LILRA2: variants seen among roughly 807,000 people sequenced by gnomAD.
The protein encoded by LILRA2 is leukocyte immunoglobulin-like receptor subfamily A member 2.
In LILRA2, 45 loss-of-function variants were observed where a neutral mutation model predicts 47.9. The ratio of observed to expected loss-of-function variants is 0.94; its 90% confidence interval spans 0.74 to 1.20. The LOEUF is 1.20. Ranked by LOEUF, LILRA2 falls within the 50% of genes most tolerant of loss-of-function variation. The pLI is 0.00. For synonymous variants in LILRA2, 279 were observed against 249.2 expected, an observed-to-expected ratio of 1.12 and a Z score of -1.13; for missense variants, 651 against 598.2, an observed-to-expected ratio of 1.09 and a Z score of -0.92.
chr19:54,575,560 G>T lies in LILRA2; in HGVS notation c.952+8G>T, dbSNP rs746247354. The T allele has an allele frequency of 9.3e-6, 15 of 1,611,400 alleles. No homozygotes were observed. Among genetic ancestry groups the T allele is most frequent in the Admixed American group, 3.3e-5 (2 of 59,980 alleles). On this transcript the variant is annotated splice_region_variant and intron_variant, in intron 5 of 7. Transcript: ENST00000391738. The stretch of plus-strand genomic sequence containing the variant: ...TGGACATCCTGATCACAGGTGAGGA[G>T]CCCAGCGGGTTCAGTCAGGGACCCA...
At chr19:54,574,248 G>A (rs2062274338) in intron 2 of LILRA2, 53 bp from the exon 3 acceptor site, 3 of 1,613,808 alleles carry the variant, frequency 1.9e-6, no homozygotes, top group Admixed American at 1.7e-5. Context: ...GCTGAGAGCT[G>A]AGATCTGTTG....
rs114217110 is a variant in LILRA2 at position 54,590,248 on chromosome 19, C to G, written c.*2902C>G. On this transcript the variant is annotated 3_prime_UTR_variant, in exon 8 of 8. Coordinates refer to ENST00000391738, the MANE Select transcript of LILRA2 (RefSeq NM_001130917.3). ...TATTTTTTTCATTTCTAGTTTTTCT[C>G]CGATGACTAATGAAAAATTTAATAA... is the stretch of plus-strand genomic sequence containing the variant. 4.3e-3 allele frequency: 648 copies of G among 152,168 alleles called. 11 individuals carry two copies. Among genetic ancestry groups the G allele is most frequent in the African/African-American group, 0.014 (582 of 41,500 alleles). 9.4% of individuals were successfully genotyped at this position (152,168 alleles called of 1,614,324 possible).
intron 2 of LILRA2, 23 bp downstream of exon 2, chr19:54,574,134 C>A: frequency 6.2e-7 from 1 of 1,614,280 alleles, no homozygotes; most frequent in Non-Finnish European, 8.5e-7. Context: ...CCAGCTGTCC[C>A]AGGTCCCTCC....
rs777645717 is a variant in LILRA2 at position 54,587,507 on chromosome 19, C to G, written c.*161C>G. 3.1e-5 allele frequency: 37 copies of G among 1,181,136 alleles called. No individual in the cohort carries two copies. The highest frequency in any genetic ancestry group is 4.3e-5 in the Non-Finnish European group (37 of 860,574). The allele number at this position is 1,181,136 out of a possible 1,614,324, so 73.2% of individuals were successfully genotyped here. ...CAATATTTGAGTGTAAGGAAACTGT[C>G]TGGGGTGATTCCTAGAAGATCATTA... On this transcript the variant is annotated 3_prime_UTR_variant, in exon 8 of 8. Transcript: ENST00000391738.
chr19:54,575,495 C>G lies in LILRA2; in HGVS notation c.895C>G (p.His299Asp). 6.2e-7 allele frequency: 1 copy of G among 1,612,564 alleles called. No homozygotes were observed. Among genetic ancestry groups the G allele is most frequent in the Non-Finnish European group, 8.5e-7 (1 of 1,179,700 alleles). Reference sequence around the variant, plus strand: ...GGGCCAGTACAGATGCTACAGTGCACACAACCTCTCCTCCGAGTGGTCGGC... The same window carrying G: ...GGGCCAGTACAGATGCTACAGTGCAGACAACCTCTCCTCCGAGTGGTCGGC... ...HGGQYRCYSA[H>D]NLSSEWSAPS... Residue 299 changes from histidine to aspartate, a missense_variant, in exon 5 of 8, where the codon CAC (histidine) becomes GAC (aspartate). Coordinates refer to ENST00000391738, the MANE Select transcript of LILRA2 (RefSeq NM_001130917.3).
chr19:54,583,398 G>T (rs2062700903), intron 6 of LILRA2, among the ~76,000 whole-genome samples: 1 of 152,154 alleles, frequency 6.6e-6, no homozygotes, highest in African/African-American at 2.4e-5. Flanking sequence ...TTATTATTGT[G>T]TGGGAGTCTA....
At chr19:54,584,647 A>G (rs909953492) in intron 6 of LILRA2, among the ~76,000 whole-genome samples, 1 of 152,110 alleles carries the variant, frequency 6.6e-6, no homozygotes, top group African/African-American at 2.4e-5. Flanking sequence ...TCTTCTCTAC[A>G]CGGTTTATTG....
At chr19:54,580,506 C>T (rs1355900726) in intron 6 of LILRA2, among the ~76,000 whole-genome samples, 15 of 12,052 alleles carry the variant, frequency 1.2e-3, no homozygotes, top group Non-Finnish European at 1.5e-3. Flanking sequence ...CCAATTTCAT[C>T]CATGTCCCTA....
At position 54,574,469 on chromosome 19, in the gene LILRA2, GC is replaced by G. The variant is rs1568503380; in HGVS notation, c.241del (p.Gln81SerfsTer36). The G allele has an allele frequency of 1.2e-6, 2 of 1,614,094 alleles. No individual in the cohort carries two copies. Among genetic ancestry groups the G allele is most frequent in the East Asian group, 4.5e-5 (2 of 44,880 alleles). ...CGGATACAAGAGCCTGGGAAGAATG[GC>G]CAGTTCCCCATCCCATCCATCACCT... ...VRRIQEPGKN[G>X]QFPIPSITWE... On this transcript the variant is annotated frameshift_variant, in exon 3 of 8. Coordinates refer to ENST00000391738, the MANE Select transcript of LILRA2 (RefSeq NM_001130917.3). LOFTEE classifies it high-confidence loss of function.
chr19:54,577,340 T>C, intron 6 of LILRA2: 1 of 670,808 alleles, frequency 1.5e-6, no homozygotes, highest in South Asian at 1.9e-5. Context: ...GGGGAGGATT[T>C]GGGGTCCAGG....
intron 6 of LILRA2, among the ~76,000 whole-genome samples, chr19:54,584,739 A>G (rs543844377): frequency 3.3e-5 from 5 of 152,264 alleles, no homozygotes; most frequent in East Asian, 1.9e-4. Flanking sequence ...AGCTTGAAGA[A>G]GTTTGTTATT....
chr19:54,575,249 T>C lies in LILRA2; in HGVS notation c.656-7T>C. ...GGCTCCTGGAAACCATGAACACCTT[T>C]TCCCAGGTGTTTCTAAGAAGCCATC... On this transcript the variant is annotated splice_polypyrimidine_tract_variant and splice_region_variant and intron_variant, in intron 4 of 7. Coordinates refer to ENST00000391738, the MANE Select transcript of LILRA2 (RefSeq NM_001130917.3). 1 of 1,604,130 alleles carries C rather than the reference T, an allele frequency of 6.2e-7. No homozygotes were observed. The highest frequency in any genetic ancestry group is 1.7e-4 in the Middle Eastern group (1 of 5,994).
At chr19:54,579,453 G>A (rs1246843305) in intron 6 of LILRA2, among the ~76,000 whole-genome samples, 1 of 152,152 alleles carries the variant, frequency 6.6e-6, no homozygotes, top group African/African-American at 2.4e-5. Context: ...GCTCTGTTCT[G>A]TTCCATTGGT....
At chr19:54,586,212 C>T (rs552331474) in intron 6 of LILRA2, among the ~76,000 whole-genome samples, 5 of 152,234 alleles carry the variant, frequency 3.3e-5, no homozygotes, top group Non-Finnish European at 4.4e-5. Flanking sequence ...GGAGGTATAT[C>T]TAAACACATT....
At position 54,588,605 on chromosome 19, in the gene LILRA2, C is replaced by G. The variant is rs1195989613; in HGVS notation, c.*1259C>G. ...TGGGCGACAGAGCAAGACTCCGTCT[C>G]AAAAAAAAAAAAAAATCCAAGTACA... On this transcript the variant is annotated 3_prime_UTR_variant, in exon 8 of 8. Coordinates refer to ENST00000391738, the MANE Select transcript of LILRA2 (RefSeq NM_001130917.3). The G allele has an allele frequency of 9.5e-6, 1 of 105,458 alleles. No homozygotes were observed. Among genetic ancestry groups the G allele is most frequent in the African/African-American group, 3.5e-5 (1 of 28,272 alleles). 6.5% of individuals were successfully genotyped at this position (105,458 alleles called of 1,614,324 possible). A position where few individuals can be genotyped will look rare whatever the true frequency, so the allele number is the denominator to read the frequency against.
chr19:54,577,389 GGAGGAA>G, intron 6 of LILRA2: 1 of 1,136,588 alleles, frequency 8.8e-7, no homozygotes, highest in Admixed American at 3.0e-5. Flanking sequence ...GGCTGATGGA[GGAGGAA>G]GAGAGGCAGG....
chr19:54,586,820 T>C lies in LILRA2; in HGVS notation c.1256-190T>C, dbSNP rs151082654. ...CTCCCAAATGACTCAGGAGCTGAGT[T>C]TGGATTTGTAGAACACAGGAAGTCT... On this transcript the variant is annotated intron_variant, in intron 6 of 7. Coordinates refer to ENST00000391738, the MANE Select transcript of LILRA2 (RefSeq NM_001130917.3). Among the ~76,000 whole-genome samples, 290 of 152,192 alleles carry C rather than the reference T, an allele frequency of 1.9e-3. 2 individuals are homozygous for C. Among genetic ancestry groups the C allele is most frequent in the African/African-American group, 6.7e-3 (280 of 41,520 alleles).
chr19:54,577,531 A>C, intron 6 of LILRA2: 1 of 1,289,642 alleles, frequency 7.8e-7, no homozygotes, highest in Non-Finnish European at 1.0e-6. Context: ...ACAAGAGAGG[A>C]GGCTGCTTGG....
intron 6 of LILRA2, among the ~76,000 whole-genome samples, chr19:54,580,196 T>TTGCCCATTCAATATGATATTGG (rs2062603242): frequency 9.8e-5 from 13 of 131,986 alleles, no homozygotes; most frequent in African/African-American, 4.0e-4. Context: ...GGTTTTCTTT[T>TTGCCCATTCAATATGATATTGG]CTTTTTTTTT....
Sources: allele counts gnomAD v4.1 joint callset (sites outside exome capture counted in the v4.1 genomes callset), GRCh38; gene constraint gnomAD v4.1.1; transcripts MANE v1.5; gene names NCBI Gene and HGNC (gene_info 2026-07-23, HGNC 2026-07-21).